The following CIITA variants were observed in gnomAD, a reference collection of about 807,000 sequenced individuals.
CIITA encodes the protein class II major histocompatibility complex transactivator, also known as MHC class II transactivator.
Under a neutral mutation model 115.1 loss-of-function variants are expected in CIITA, and 72 were observed. That is an observed-to-expected ratio of 0.63 (90% CI 0.52 to 0.76). CIITA has a LOEUF of 0.76. Ranked by LOEUF, CIITA falls within the 30% of genes least tolerant of loss-of-function variation. The pLI is 0.00. For synonymous variants in CIITA, 763 were observed against 635.6 expected (o/e 1.20, Z -3.02); for missense variants, 1,617 against 1,463.8 (o/e 1.10, Z -1.71).
intron 13 of CIITA, among the ~76,000 whole-genome samples, chr16:10,912,589 T>C (rs1204540683): frequency 6.6e-6 from 1 of 152,206 alleles, no homozygotes; most frequent in African/African-American, 2.4e-5. Flanking sequence ...CCCTGATCAC[T>C]GCTCCCCTGT....
intron 10 of CIITA, among the ~76,000 whole-genome samples, chr16:10,905,869 G>A (rs2039111962): frequency 6.6e-6 from 1 of 151,874 alleles, no homozygotes; most frequent in Non-Finnish European, 1.5e-5. Context: ...TGAGTGGTGG[G>A]TGACTGAATG....
At position 10,895,774 on chromosome 16, in the gene CIITA, C is replaced by T. The variant is rs749969682; in HGVS notation, c.295+10C>T. The T allele has an allele frequency of 1.9e-6, 3 of 1,613,410 alleles. No homozygotes were observed. Among genetic ancestry groups the T allele is most frequent in the Non-Finnish European group, 2.5e-6 (3 of 1,179,394 alleles). ...GCTTATGCCAATATCGGTGAGGAAG[C>T]ACCTGAGCCCAGAAAAGGACAATCA... On this transcript the variant is annotated intron_variant, in intron 3 of 19. Transcript: ENST00000324288.
chr16:10,941,601 G>C lies in CIITA; in HGVS notation n.727G>C. On this transcript the variant is annotated non_coding_transcript_exon_variant, in exon 2 of 2. Transcript: ENST00000573379. This position sits in a 1 kb window ranked among gnomAD's most constrained non-coding sequence, Gnocchi z 6.4. ...GGAGGCAGGGGAGGGTCTCCTCCTG[G>C]GGAACCATCCCCGTCCAGATGGTGC... 6.7e-7 allele frequency: 1 copy of C among 1,487,450 alleles called. No individual in the cohort carries two copies. Among genetic ancestry groups the C allele is most frequent in the Non-Finnish European group, 8.9e-7 (1 of 1,119,958 alleles). The allele number at this position is 1,487,450 out of a possible 1,614,324, so 92.1% of individuals were successfully genotyped here.
In CIITA at chr16:10,929,199, C is replaced by T. The variant is rs1307308447; in HGVS notation, c.*5344C>T. 42 of 985,542 alleles carry T rather than the reference C, an allele frequency of 4.3e-5. No homozygotes were observed. Among genetic ancestry groups the T allele is most frequent in the Non-Finnish European group, 4.9e-5 (41 of 829,834 alleles). 61.0% of individuals were successfully genotyped at this position (985,542 alleles called of 1,614,324 possible). A position where few individuals can be genotyped will look rare whatever the true frequency, so the allele number is the denominator to read the frequency against. On this transcript the variant is annotated 3_prime_UTR_variant, in exon 20 of 20. Coordinates refer to ENST00000324288, the MANE Select transcript of CIITA (RefSeq NM_000246.4). The surrounding 1 kb of genome is among the most constrained non-coding windows in gnomAD (Gnocchi z 4.3). Reference sequence around the variant, plus strand: ...CCAGCCTCGGGCTAAACCCAGCTGGCCTGAAGGCTCAACTCACATCAAACG... The same window carrying T: ...CCAGCCTCGGGCTAAACCCAGCTGGTCTGAAGGCTCAACTCACATCAAACG...
chr16:10,913,694 C>T (rs2039747420), intron 13 of CIITA, among the ~76,000 whole-genome samples: 1 of 149,892 alleles, frequency 6.7e-6, no homozygotes, highest in South Asian at 2.2e-4. Context: ...AATCCCAGCA[C>T]TTTGGGAGGC....
At chr16:10,877,078 G>C, upstream of CIITA, 1 of 601,826 alleles carries the variant, frequency 1.7e-6, no homozygotes, top group Non-Finnish European at 3.0e-6. Context: ...TAAAATTAGA[G>C]GGTGTTCAGA....
intron 18 of CIITA, chr16:10,922,856 T>G (rs2040349130): frequency 2.0e-6 from 1 of 497,248 alleles, no homozygotes; most frequent in East Asian, 3.6e-5. Context: ...TTTTATTAAG[T>G]CACCATGATG....
chr16:10,866,686 A>C, intron 1 of CIITA: 1 of 384,206 alleles, frequency 2.6e-6, no homozygotes, highest in Non-Finnish European at 5.1e-6. Context: ...GAGAAATCCA[A>C]GTGTCTAGTG....
intron 1 of CIITA, among the ~76,000 whole-genome samples, chr16:10,869,359 C>G (rs2035315391): frequency 6.6e-6 from 1 of 152,184 alleles, no homozygotes; most frequent in Admixed American, 6.5e-5. Flanking sequence ...CATGCCGTTC[C>G]CTCTGCCTGG....
chr16:10,908,886 T>C (rs1392451124), intron 11 of CIITA, 143 bp from the exon 12 acceptor site: 2 of 1,173,352 alleles, frequency 1.7e-6, no homozygotes, highest in African/African-American at 3.0e-5. Context: ...GCTGGAGTGG[T>C]CATGGAAGGC....
Position 10,879,553 on chromosome 16 carries a change from G to A in CIITA, c.52+2171G>A, listed in dbSNP as rs187688674. On this transcript the variant is annotated intron_variant, in intron 1 of 19. Coordinates refer to ENST00000324288, the MANE Select transcript of CIITA (RefSeq NM_000246.4). This position sits in a 1 kb window ranked among gnomAD's most constrained non-coding sequence, Gnocchi z 4.3. ...GGGGCCCTGCTCAGGGAGGCAGTAGGGAGCCAAACCTTTAACCAGAGGATG... is the reference window on the plus strand; with the variant it reads ...GGGGCCCTGCTCAGGGAGGCAGTAGAGAGCCAAACCTTTAACCAGAGGATG... 3.3e-5 allele frequency among the ~76,000 whole-genome samples: 5 copies of A among 152,254 alleles called. No individual in the cohort carries two copies. The East Asian group carries it at 9.7e-4, about 29-fold the overall frequency.
In CIITA at chr16:10,898,956, G is replaced by C; in HGVS notation, c.390G>C (p.Glu130Asp). 6.2e-7 allele frequency: 1 copy of C among 1,614,004 alleles called. No homozygotes were observed. Among genetic ancestry groups the C allele is most frequent in the Non-Finnish European group, 8.5e-7 (1 of 1,179,998 alleles). The part of the protein sequence containing the change: ...KHIGPDEVIG[E>D]SMEMPAEVGQ... ...TAGGACCAGATGAAGTGATCGGTGA[G>C]AGTATGGAGATGCCAGCAGAAGTTG... is the stretch of plus-strand genomic sequence containing the variant. The change falls in exon 5 of 20, where the codon GAG becomes GAC. Residue 130 changes from glutamate (E) to aspartate (D), a missense_variant. Physicochemically the swap from Glu to Asp is conservative, Grantham distance 45 (BLOSUM62 2). Coordinates refer to ENST00000324288, the MANE Select transcript of CIITA (RefSeq NM_000246.4).
intron 1 of CIITA, among the ~76,000 whole-genome samples, chr16:10,881,433 A>T (rs2036423827): frequency 6.6e-6 from 1 of 151,934 alleles, no homozygotes; most frequent in Admixed American, 6.5e-5. Flanking sequence ...TAGGAAGGAC[A>T]TAGATAGTTT....
At position 10,941,590 on chromosome 16, in the gene CIITA, G is replaced by C; in HGVS notation, n.716G>C. 2 of 1,470,664 alleles carry C rather than the reference G, an allele frequency of 1.4e-6. No homozygotes were observed. Among genetic ancestry groups the C allele is most frequent in the Non-Finnish European group, 1.8e-6 (2 of 1,111,278 alleles). 91.1% of individuals were successfully genotyped at this position (1,470,664 alleles called of 1,614,324 possible). On this transcript the variant is annotated non_coding_transcript_exon_variant, in exon 2 of 2. Transcript: ENST00000573379. This position sits in a 1 kb window ranked among gnomAD's most constrained non-coding sequence, Gnocchi z 6.4. ...TTACAGGCCTCGGAGGCAGGGGAGG[G>C]TCTCCTCCTGGGGAACCATCCCCGT...
chr16:10,886,351 G>A (rs111945970), intron 1 of CIITA, among the ~76,000 whole-genome samples: 2,528 of 152,182 alleles, frequency 0.017, 82 homozygotes, highest in African/African-American at 0.056. Context: ...GAGTGCAGGG[G>A]TTACTTTTCA....
chr16:10,898,820 T>C, intron 4 of CIITA, 88 bp downstream of exon 4: 4 of 1,597,008 alleles, frequency 2.5e-6, no homozygotes, highest in Non-Finnish European at 3.4e-6. Context: ...TGACGACCAT[T>C]CATTGATGGG....
intron 1 of CIITA, among the ~76,000 whole-genome samples, chr16:10,867,315 G>C (rs1025890664): frequency 1.9e-5 from 2 of 102,730 alleles, no homozygotes; most frequent in Non-Finnish European, 5.6e-5. Flanking sequence ...AGAGCCCACT[G>C]TGTGTGTTGG....
intron 3 of CIITA, among the ~76,000 whole-genome samples, chr16:10,898,320 G>A (rs2038347679): frequency 6.6e-6 from 1 of 151,980 alleles, no homozygotes; most frequent in Non-Finnish European, 1.5e-5. Context: ...TGAGAAAATG[G>A]AGGCCCACAG....
rs953080654 is a variant in CIITA, at chr16:10,906,675, G to A, written c.1183G>A (p.Gly395Arg). 5 of 1,613,150 alleles carry A rather than the reference G, an allele frequency of 3.1e-6. No individual in the cohort carries two copies. Among genetic ancestry groups the A allele is most frequent in the Non-Finnish European group, 4.2e-6 (5 of 1,179,976 alleles). ...PDWAERQLAQGGLAEVLLAAK... is the reference protein window; with the variant it reads ...PDWAERQLAQRGLAEVLLAAK... ...CTGGGCAGAACGGCAGCTGGCCCAA[G>A]GAGGCCTGGCTGAGGTGCTGTTGGC... Residue 395 changes from glycine to arginine, a missense_variant, in exon 11 of 20, where the codon GGA becomes AGA. By Grantham distance (125) the Gly-to-Arg change is moderately radical (BLOSUM62 -2). Coordinates refer to ENST00000324288, the MANE Select transcript of CIITA (RefSeq NM_000246.4).
Sources: allele counts gnomAD v4.1 joint callset (sites outside exome capture counted in the v4.1 genomes callset), GRCh38; gene constraint gnomAD v4.1.1; non-coding constraint Gnocchi (gnomAD v3.1); transcripts MANE v1.5; gene names NCBI Gene and HGNC (gene_info 2026-07-23, HGNC 2026-07-21).